Variants in FRMD4A observed in about 807,000 individuals in gnomAD.
FRMD4A encodes the protein FERM domain-containing protein 4A.
A neutral mutation model predicts 129.1 loss-of-function variants in FRMD4A; 29 were observed. That is an observed-to-expected ratio of 0.22 (90% CI 0.17 to 0.31). The LOEUF is 0.31. FRMD4A is among the 10% of genes least tolerant of loss of function. The pLI is 1.00. For missense variants in FRMD4A, 1,272 were observed against 1,375.8 expected, an observed-to-expected ratio of 0.92 and a Z score of 1.19; for synonymous variants, 634 against 571.6, an observed-to-expected ratio of 1.11 and a Z score of -1.56.
chr10:14,108,706 T>C (rs565858693), intron 2 of FRMD4A, among the ~76,000 whole-genome samples: 31 of 152,094 alleles, frequency 2.0e-4, no homozygotes, highest in African/African-American at 7.2e-4. Context: ...ATAGGAAAAA[T>C]AAGACAGAGA....
chr10:14,010,532 G>T (rs533353315), intron 2 of FRMD4A, among the ~76,000 whole-genome samples: 1 of 151,920 alleles, frequency 6.6e-6, no homozygotes, highest in East Asian at 1.9e-4. Context: ...CCCAGTCCCC[G>T]CGGAGTAGGT....
At chr10:13,703,000 G>A (rs541738596) in intron 13 of FRMD4A, among the ~76,000 whole-genome samples, 35 of 151,578 alleles carry the variant, frequency 2.3e-4, no homozygotes, top group African/African-American at 8.2e-4. Flanking sequence ...GCGAGGGGGA[G>A]ATCCCTCGCC....
intron 2 of FRMD4A, among the ~76,000 whole-genome samples, chr10:13,994,407 G>A (rs1454919816): frequency 1.3e-5 from 2 of 151,954 alleles, no homozygotes; most frequent in African/African-American, 4.8e-5. Context: ...TCGATCTCCC[G>A]ACCTCATGAT....
chr10:14,044,468 G>A (rs1833905266), intron 2 of FRMD4A, among the ~76,000 whole-genome samples: 1 of 152,196 alleles, frequency 6.6e-6, no homozygotes. Flanking sequence ...ATTAGGGTGG[G>A]CCCTAAGTCC....
chr10:14,176,833 A>G (rs1012727901), intron 2 of FRMD4A, among the ~76,000 whole-genome samples: 1 of 151,926 alleles, frequency 6.6e-6, no homozygotes, highest in African/African-American at 2.4e-5. Context: ...TATCTCCCCA[A>G]AGGTTTCATT....
intron 2 of FRMD4A, among the ~76,000 whole-genome samples, chr10:14,328,961 A>T (rs757276046): frequency 5.9e-5 from 9 of 152,160 alleles, no homozygotes; most frequent in Non-Finnish European, 1.0e-4. Flanking sequence ...GGCCCATGAG[A>T]TAGATTTCAG....
At chr10:14,317,832 G>T (rs1298273746) in intron 2 of FRMD4A, among the ~76,000 whole-genome samples, 1 of 150,576 alleles carries the variant, frequency 6.6e-6, no homozygotes, top group Non-Finnish European at 1.5e-5. Flanking sequence ...CCAAAAAATA[G>T]TCACAGATTT....
chr10:13,964,976 G>A (rs541203888), intron 2 of FRMD4A, among the ~76,000 whole-genome samples: 7 of 151,690 alleles, frequency 4.6e-5, no homozygotes, highest in South Asian at 2.1e-4. Context: ...GAGCCACTGC[G>A]CCTGGCCAAC....
At chr10:14,191,983 C>T (rs887242552) in intron 2 of FRMD4A, among the ~76,000 whole-genome samples, 33 of 152,110 alleles carry the variant, frequency 2.2e-4, no homozygotes, top group Admixed American at 2.0e-3. Flanking sequence ...TTCACATCCC[C>T]GGTTGACATT....
At chr10:14,314,460 A>AT (rs1208254041) in intron 2 of FRMD4A, among the ~76,000 whole-genome samples, 1 of 152,142 alleles carries the variant, frequency 6.6e-6, no homozygotes, top group African/African-American at 2.4e-5. Flanking sequence ...AACCTGCCCT[A>AT]TTTTGGCCAG....
At chr10:14,125,628 C>A (rs1310468226) in intron 2 of FRMD4A, among the ~76,000 whole-genome samples, 2 of 152,130 alleles carry the variant, frequency 1.3e-5, no homozygotes, top group African/African-American at 2.4e-5. Context: ...AATGCTGGAG[C>A]CCAGCTAAAT....
At chr10:13,658,910 G>T (rs2082405998) in intron 21 of FRMD4A, among the ~76,000 whole-genome samples, 1 of 150,688 alleles carries the variant, frequency 6.6e-6, no homozygotes, top group Admixed American at 6.6e-5. Flanking sequence ...AGAAACAGAA[G>T]GTGTGATTCA....
chr10:14,210,723 T>C (rs1842912303), intron 2 of FRMD4A, among the ~76,000 whole-genome samples: 1 of 152,094 alleles, frequency 6.6e-6, no homozygotes, highest in Non-Finnish European at 1.5e-5. Context: ...CTTTGTTTGT[T>C]GTTTGTTTCT....
chr10:14,297,016 G>A (rs1209640240), intron 2 of FRMD4A, among the ~76,000 whole-genome samples: 1 of 152,112 alleles, frequency 6.6e-6, no homozygotes, highest in African/African-American at 2.4e-5. Flanking sequence ...CCATGTCAGG[G>A]GCAACTGAAC....
At chr10:14,027,836 C>G (rs992329494) in intron 2 of FRMD4A, among the ~76,000 whole-genome samples, 1 of 152,096 alleles carries the variant, frequency 6.6e-6, no homozygotes, top group African/African-American at 2.4e-5. Flanking sequence ...AGAAATTGAC[C>G]AGAAGGGAGT....
intron 2 of FRMD4A, among the ~76,000 whole-genome samples, chr10:14,018,339 C>T (rs181506750): frequency 0.043 from 6,510 of 151,056 alleles, 159 homozygotes; most frequent in African/African-American, 0.055. Context: ...GTCTGTAGTC[C>T]CAGCTACTCA....
intron 2 of FRMD4A, among the ~76,000 whole-genome samples, chr10:14,265,210 AG>A (rs1204868670): frequency 1.3e-5 from 2 of 152,354 alleles, no homozygotes; most frequent in African/African-American, 4.8e-5. Context: ...CCTCGTGCCA[AG>A]GTGATAGGAC....
At position 13,675,050 on chromosome 10, in the gene FRMD4A, G is replaced by A. The variant is rs751916796; in HGVS notation, c.1118-6C>T. ...GCTATCTGATTCCTGAGAACCTGTC[G>A]ATAAACAGTGGGGTTACTTGGCCAG... On this transcript the variant is annotated splice_polypyrimidine_tract_variant and splice_region_variant and intron_variant, in intron 15 of 24. Transcript: ENST00000357447. 4.5e-5 allele frequency: 72 copies of A among 1,611,096 alleles called. No individual in the cohort carries two copies. The highest frequency in any genetic ancestry group is 6.0e-5 in the Non-Finnish European group (71 of 1,179,714).
At chr10:14,008,861 G>GT (rs1197380897) in intron 2 of FRMD4A, among the ~76,000 whole-genome samples, 5 of 152,204 alleles carry the variant, frequency 3.3e-5, no homozygotes, top group African/African-American at 1.2e-4. Context: ...AAACGCACGG[G>GT]TATTACTCAC....
Sources: gnomAD v4.1 joint callset for allele counts (sites outside exome capture counted in the v4.1 genomes callset) on GRCh38, gnomAD v4.1.1 for gene constraint, MANE v1.5 for transcripts, NCBI Gene and HGNC (gene_info 2026-07-23, HGNC 2026-07-21) for gene names.